TEK: variants seen among roughly 807,000 people sequenced by gnomAD.
TEK encodes the protein angiopoietin-1 receptor.
In TEK, 43 loss-of-function variants were observed where a neutral mutation model predicts 131.8. The observed-to-expected ratio is 0.33, with a 90% CI of 0.26 to 0.42. The LOEUF (loss-of-function observed/expected upper bound fraction) is 0.42. Ranked by LOEUF, TEK falls within the 10% of genes least tolerant of loss-of-function variation. TEK has a pLI of 1.00. For missense variants in TEK, 1,162 were observed against 1,384.4 expected (o/e 0.84, Z 2.55); for synonymous variants, 580 against 491.6 (o/e 1.18, Z -2.38).
At chr9:27,205,337 A>T (rs1042027409) in intron 14 of TEK, among the ~76,000 whole-genome samples, 1 of 152,202 alleles carries the variant, frequency 6.6e-6, no homozygotes, top group Non-Finnish European at 1.5e-5. Flanking sequence ...GAAATGAGAC[A>T]TATGGTCATC....
intron 2 of TEK, among the ~76,000 whole-genome samples, chr9:27,167,861 G>GTTT (rs35339701): frequency 6.7e-6 from 1 of 150,308 alleles, no homozygotes; most frequent in East Asian, 1.9e-4. Flanking sequence ...TTTCATTCAT[G>GTTT]TTTTTTTTTT....
chr9:27,208,971 G>A, intron 15 of TEK, 150 bp from the exon 16 acceptor site: 1 of 681,154 alleles, frequency 1.5e-6, no homozygotes, highest in South Asian at 1.6e-5. Context: ...TAGTGCCAAG[G>A]CCGAGAAACT....
intron 1 of TEK, among the ~76,000 whole-genome samples, chr9:27,116,562 C>T (rs1408797462): frequency 1.3e-5 from 2 of 152,200 alleles, no homozygotes; most frequent in East Asian, 1.9e-4. Context: ...GGATTACAGG[C>T]GTGAGCCACC....
At chr9:27,138,675 C>T (rs564032693) in intron 1 of TEK, among the ~76,000 whole-genome samples, 2 of 152,302 alleles carry the variant, frequency 1.3e-5, no homozygotes, top group Non-Finnish European at 2.9e-5. Flanking sequence ...CAAGTTTGAG[C>T]TTCATGGGCC....
chr9:27,116,859 A>ATT (rs66900456), intron 1 of TEK, among the ~76,000 whole-genome samples: 8,870 of 120,728 alleles, frequency 0.073, 599 homozygotes, highest in African/African-American at 0.14. Context: ...ATGGAAAGAA[A>ATT]TTTTTTTTTT....
At chr9:27,183,801 C>T (rs1341613935) in intron 8 of TEK, among the ~76,000 whole-genome samples, 191 bp downstream of exon 8, 3 of 152,168 alleles carry the variant, frequency 2.0e-5, no homozygotes, top group African/African-American at 7.2e-5. Context: ...CTTCTGTTGG[C>T]CAGTACTGCT....
intron 1 of TEK, among the ~76,000 whole-genome samples, chr9:27,116,573 G>A (rs780776303): frequency 4.6e-5 from 7 of 152,036 alleles, no homozygotes; most frequent in East Asian, 1.9e-4. Flanking sequence ...GTGAGCCACC[G>A]CACCTGGCCA....
At chr9:27,132,545 C>A (rs901706598) in intron 1 of TEK, among the ~76,000 whole-genome samples, 3 of 152,072 alleles carry the variant, frequency 2.0e-5, no homozygotes, top group Admixed American at 6.6e-5. Flanking sequence ...GACACCGGGG[C>A]ATTCAGATGG....
intron 1 of TEK, among the ~76,000 whole-genome samples, chr9:27,149,133 C>T (rs1823036826): frequency 6.6e-6 from 1 of 152,190 alleles, no homozygotes; most frequent in African/African-American, 2.4e-5. Context: ...TTTATTTATT[C>T]ATTCATCAAT....
chr9:27,123,419 G>A (rs1821874803), intron 1 of TEK, among the ~76,000 whole-genome samples: 1 of 152,158 alleles, frequency 6.6e-6, no homozygotes, highest in Admixed American at 6.6e-5. Flanking sequence ...TCCCCTGCAT[G>A]TGGTCCCTTA....
chr9:27,166,978 T>A (rs1055331061), intron 2 of TEK, among the ~76,000 whole-genome samples: 2 of 152,210 alleles, frequency 1.3e-5, no homozygotes, highest in Non-Finnish European at 2.9e-5. Flanking sequence ...ACTGTTTCTC[T>A]TCCTTTAGTG....
chr9:27,133,574 C>T (rs1822303375), intron 1 of TEK, among the ~76,000 whole-genome samples: 1 of 152,148 alleles, frequency 6.6e-6, no homozygotes, highest in East Asian at 1.9e-4. Flanking sequence ...TTTTTAGTAT[C>T]TGTATCCAAA....
intron 1 of TEK, among the ~76,000 whole-genome samples, chr9:27,126,726 A>G (rs1163099048): frequency 2.0e-5 from 3 of 152,212 alleles, no homozygotes; most frequent in Non-Finnish European, 4.4e-5. Context: ...TTTCTGACAC[A>G]GAGGAGACAG....
chr9:27,213,901 C>A (rs1376977869), intron 18 of TEK, among the ~76,000 whole-genome samples: 2 of 152,162 alleles, frequency 1.3e-5, no homozygotes, highest in African/African-American at 2.4e-5. Context: ...CACTCAGGAA[C>A]CTCTGAGGAG....
At chr9:27,132,354 A>AT (rs1331172701) in intron 1 of TEK, among the ~76,000 whole-genome samples, 2 of 151,986 alleles carry the variant, frequency 1.3e-5, no homozygotes, top group Non-Finnish European at 2.9e-5. Context: ...CGAAAGTGTG[A>AT]TTTTTTTATT....
intron 14 of TEK, 123 bp from the exon 15 acceptor site, chr9:27,206,458 TC>T: frequency 8.8e-7 from 1 of 1,134,686 alleles, no homozygotes; most frequent in Non-Finnish European, 1.3e-6. Flanking sequence ...TATTTCCCTT[TC>T]CAGTCTAGAA....
At chr9:27,116,563 G>A (rs942247260) in intron 1 of TEK, among the ~76,000 whole-genome samples, 3 of 152,262 alleles carry the variant, frequency 2.0e-5, no homozygotes, top group East Asian at 1.9e-4. Context: ...GATTACAGGC[G>A]TGAGCCACCG....
intron 1 of TEK, among the ~76,000 whole-genome samples, chr9:27,146,501 G>C (rs891214096): frequency 6.6e-6 from 1 of 152,090 alleles, no homozygotes; most frequent in African/African-American, 2.4e-5. Context: ...GCCTTTCTTA[G>C]AATGTCATAT....
chr9:27,134,743 T>C (rs889391627), intron 1 of TEK, among the ~76,000 whole-genome samples: 1 of 152,180 alleles, frequency 6.6e-6, no homozygotes, highest in Non-Finnish European at 1.5e-5. Context: ...AAACTAAAAC[T>C]TGTTTTCATG....
Sources: allele counts gnomAD v4.1 joint callset (sites outside exome capture counted in the v4.1 genomes callset), GRCh38; gene constraint gnomAD v4.1.1; transcripts MANE v1.5; gene names NCBI Gene and HGNC (gene_info 2026-07-23, HGNC 2026-07-21).